Variants in PCDH15 observed in about 807,000 individuals in gnomAD.
The protein encoded by PCDH15 is protocadherin-15.
In PCDH15, 129 loss-of-function variants were observed where a neutral mutation model predicts 178.5. That is an observed-to-expected ratio of 0.72 (90% CI 0.63 to 0.84). The LOEUF (loss-of-function observed/expected upper bound fraction) is 0.84. Among genes scored for constraint, PCDH15 ranks in the 40% least tolerant of loss-of-function variants. The pLI is 0.00. For synonymous variants in PCDH15, 800 were observed against 732.0 expected (o/e 1.09, Z -1.50); for missense variants, 2,230 against 2,099.9 (o/e 1.06, Z -1.21).
rs544402108 is a variant in PCDH15, at chr10:54,297,705, G to A, written c.876+19566C>T. Among the ~76,000 whole-genome samples the A allele has an allele frequency of 1.1e-3, 161 of 152,244 alleles. 1 individual carries two copies. Among genetic ancestry groups the A allele is most frequent in the Admixed American group, 9.3e-3 (142 of 15,296 alleles). On this transcript the variant is annotated intron_variant, in intron 8 of 37. Transcript: ENST00000644397. ...TAGGGGGAGGGGAATTTGGCCCAAC[G>A]TGGGTACATGTCCCCTTCTCCCTCT... is the stretch of plus-strand genomic sequence containing the variant.
At chr10:54,241,019 A>G (rs1324137845) in intron 8 of PCDH15, among the ~76,000 whole-genome samples, 1 of 152,210 alleles carries the variant, frequency 6.6e-6, no homozygotes, top group Non-Finnish European at 1.5e-5. Context: ...GTAATCATTT[A>G]CAGGATTTAG....
At chr10:54,329,357 A>G (rs1046945457) in intron 7 of PCDH15, among the ~76,000 whole-genome samples, 1 of 151,908 alleles carries the variant, frequency 6.6e-6, no homozygotes, top group Admixed American at 6.6e-5. Context: ...TAGTCTAAAA[A>G]GGTTGGATAA....
chr10:54,796,501 A>G (rs1020522111), intron 1 of PCDH15, among the ~76,000 whole-genome samples: 37 of 150,062 alleles, frequency 2.5e-4, no homozygotes, highest in Non-Finnish European at 4.9e-4. Flanking sequence ...CAATCTGTCT[A>G]TTTCTGTCTT....
chr10:54,156,846 G>A (rs184002221), intron 13 of PCDH15, among the ~76,000 whole-genome samples: 54 of 152,294 alleles, frequency 3.5e-4, no homozygotes, highest in African/African-American at 1.3e-3. Context: ...TTTCCAAATG[G>A]GAGGAACTGG....
At position 55,243,315 on chromosome 10, in the gene PCDH15, CAG is replaced by C. The variant is rs911052835; in HGVS notation, c.-156+76282_-156+76283del. ...ATATTGCATAAATATTAAATGCAGA[CAG>C]GGAATTGCAAATGGCAAAAGGAGAC... is the stretch of plus-strand genomic sequence containing the variant. On this transcript the variant is annotated intron_variant, in intron 1 of 5. Transcript: ENST00000458638. 9.0e-4 allele frequency among the ~76,000 whole-genome samples: 137 copies of C among 152,174 alleles called. 2 individuals are homozygous for C. Among genetic ancestry groups the C allele is most frequent in the African/African-American group, 3.3e-3 (135 of 41,514 alleles).
chr10:54,271,200 T>C (rs2058026602), intron 8 of PCDH15, among the ~76,000 whole-genome samples: 1 of 151,308 alleles, frequency 6.6e-6, no homozygotes, highest in Non-Finnish European at 1.5e-5. Flanking sequence ...CATAATTATG[T>C]TCTTACATTT....
intron 2 of PCDH15, among the ~76,000 whole-genome samples, chr10:54,951,232 G>A (rs1214895805): frequency 6.6e-6 from 1 of 151,740 alleles, no homozygotes. Flanking sequence ...CCTCCCTCAT[G>A]CACTCTAAAC....
chr10:55,458,436 T>G (rs1839600490), intron 2 of PCDH15, among the ~76,000 whole-genome samples: 1 of 152,200 alleles, frequency 6.6e-6, no homozygotes, highest in Non-Finnish European at 1.5e-5. Flanking sequence ...TAAAATATCC[T>G]TAAAGAATCT....
intron 2 of PCDH15, among the ~76,000 whole-genome samples, chr10:55,598,956 C>T (rs41517949): frequency 0.057 from 8,699 of 151,924 alleles, 571 homozygotes; most frequent in East Asian, 0.32. Context: ...CAGCTCCAAG[C>T]CTTGCTAAAA....
intron 25 of PCDH15, among the ~76,000 whole-genome samples, chr10:53,907,864 AC>A (rs1283821862): frequency 6.6e-6 from 1 of 152,132 alleles, no homozygotes; most frequent in Non-Finnish European, 1.5e-5. Context: ...GATTTTAAAT[AC>A]CCATTAACCT....
chr10:55,271,527 A>C (rs1210607270), intron 1 of PCDH15, among the ~76,000 whole-genome samples: 1 of 152,098 alleles, frequency 6.6e-6, no homozygotes, highest in Non-Finnish European at 1.5e-5. Context: ...TTTTGCTATC[A>C]ACATTTTCAT....
chr10:54,785,790 AT>A (rs892927178), intron 1 of PCDH15, among the ~76,000 whole-genome samples: 28 of 151,420 alleles, frequency 1.8e-4, no homozygotes, highest in African/African-American at 6.0e-4. Context: ...AGAGACAGAC[AT>A]TTTTTTTTAA....
At chr10:55,327,543 T>C (rs1200778594) in intron 2 of PCDH15, among the ~76,000 whole-genome samples, 1 of 152,078 alleles carries the variant, frequency 6.6e-6, no homozygotes, top group Non-Finnish European at 1.5e-5. Context: ...TTGGCAAACA[T>C]GTTATATTCA....
chr10:54,022,237 T>C (rs948524990), intron 19 of PCDH15, among the ~76,000 whole-genome samples: 3 of 152,070 alleles, frequency 2.0e-5, no homozygotes, highest in Non-Finnish European at 4.4e-5. Context: ...TGTTCAGGAC[T>C]GTGTAATTTA....
chr10:54,265,788 A>G (rs543992072), intron 8 of PCDH15, among the ~76,000 whole-genome samples: 70 of 152,228 alleles, frequency 4.6e-4, no homozygotes, highest in South Asian at 1.7e-3. Context: ...AATCACTACT[A>G]GACCTAAGAA....
At chr10:54,119,651 C>G (rs2095179995) in intron 15 of PCDH15, among the ~76,000 whole-genome samples, 1 of 152,086 alleles carries the variant, frequency 6.6e-6, no homozygotes, top group Non-Finnish European at 1.5e-5. Flanking sequence ...AAGAGAACAT[C>G]TGTGAGATAC....
At chr10:55,143,754 AT>A (rs35401733) in intron 2 of PCDH15, among the ~76,000 whole-genome samples, 3 of 152,098 alleles carry the variant, frequency 2.0e-5, no homozygotes, top group Non-Finnish European at 4.4e-5. Flanking sequence ...AGCTGCTAAA[AT>A]TATCAGCCAG....
chr10:54,880,848 T>C (rs953272454), intron 3 of PCDH15, among the ~76,000 whole-genome samples: 6 of 150,896 alleles, frequency 4.0e-5, no homozygotes, highest in Non-Finnish European at 8.9e-5. Flanking sequence ...GGATAAAGCA[T>C]AGGATTTTTT....
chr10:54,450,323 A>T lies in PCDH15; in HGVS notation c.158-71381T>A, dbSNP rs569961069. On this transcript the variant is annotated intron_variant, in intron 3 of 37. Coordinates refer to ENST00000644397, the MANE Select transcript of PCDH15 (RefSeq NM_001384140.1). ...TCAAGTAATGTGAGTTGCAAAAGGC[A>T]TTGAAGATTGGACCAACTAATGAAA... Among the ~76,000 whole-genome samples, 3 of 151,544 alleles carry T rather than the reference A, an allele frequency of 2.0e-5. No homozygotes were observed. In the East Asian group the frequency reaches 5.8e-4, roughly 29 times the overall value.
Sources: gnomAD v4.1 joint callset for allele counts (sites outside exome capture counted in the v4.1 genomes callset) on GRCh38, gnomAD v4.1.1 for gene constraint, MANE v1.5 for transcripts, NCBI Gene and HGNC (gene_info 2026-07-23, HGNC 2026-07-21) for gene names.